The following ZDHHC11B variants were observed in gnomAD, a reference collection of about 807,000 sequenced individuals.
ZDHHC11B encodes the protein zDHHC palmitoyltransferase 11B (putative).
In ZDHHC11B, 17 loss-of-function variants were observed where a neutral mutation model predicts 42.3. The observed-to-expected ratio is 0.40, with a 90% CI of 0.27 to 0.60. ZDHHC11B has a LOEUF of 0.60. Ranked by LOEUF, ZDHHC11B falls within the 20% of genes least tolerant of loss-of-function variation. The pLI is 0.41. For synonymous variants in ZDHHC11B, 123 were observed against 193.5 expected, an observed-to-expected ratio of 0.64 and a Z score of 3.02; for missense variants, 262 against 463.2, an observed-to-expected ratio of 0.57 and a Z score of 3.99.
intron 7 of ZDHHC11B, 34 bp from the exon 8 acceptor site, chr5:748,593 A>C: frequency 7.4e-7 from 1 of 1,347,648 alleles, no homozygotes; most frequent in Non-Finnish European, 9.8e-7. Flanking sequence ...TGTGTCCAGC[A>C]CCTGCTGACG....
rs1231392398 is a variant in ZDHHC11B, at chr5:726,883, C to G, written c.1058+3551G>C. On this transcript the variant is annotated intron_variant, in intron 12 of 13. Transcript: ENST00000508859. ...ACAATTAATTTTCTATCATTCTTGC[C>G]AGAAATGGATAAAGGAGAAAATGTC... is the stretch of plus-strand genomic sequence containing the variant. 2.8e-3 allele frequency among the ~76,000 whole-genome samples: 322 copies of G among 116,734 alleles called. 5 individuals are homozygous for G. Among genetic ancestry groups the G allele is most frequent in the African/African-American group, 0.011 (309 of 27,398 alleles). 76.6% of individuals were successfully genotyped at this position (116,734 alleles called of 152,430 possible). A position where few individuals can be genotyped will look rare whatever the true frequency, so the allele number is the denominator to read the frequency against.
At chr5:780,525 A>G (rs1736883859) in intron 1 of ZDHHC11B, among the ~76,000 whole-genome samples, 1 of 148,110 alleles carries the variant, frequency 6.8e-6, no homozygotes, top group Non-Finnish European at 1.5e-5. Flanking sequence ...TAAAGGTTAA[A>G]AACAGGCAAA....
At chr5:750,245 G>A (rs1325230174) in intron 7 of ZDHHC11B, among the ~76,000 whole-genome samples, 1 of 128,914 alleles carries the variant, frequency 7.8e-6, no homozygotes, top group East Asian at 2.6e-4. Context: ...GGTGGGGGCA[G>A]CTTCTCCAGC....
intron 12 of ZDHHC11B, among the ~76,000 whole-genome samples, chr5:729,751 A>G (rs1275314307): frequency 2.6e-5 from 4 of 151,904 alleles, no homozygotes; most frequent in Admixed American, 6.6e-5. Flanking sequence ...AAGTTAATAT[A>G]TGTTCATTTT....
intron 1 of ZDHHC11B, among the ~76,000 whole-genome samples, chr5:776,756 C>G (rs545216692): frequency 2.0e-5 from 3 of 151,952 alleles, no homozygotes; most frequent in African/African-American, 2.4e-5. Flanking sequence ...GCCCTCCTGC[C>G]GAGGAGGTGC....
At position 766,891 on chromosome 5, in the gene ZDHHC11B, G is replaced by A. The variant is rs756278131; in HGVS notation, c.29C>T (p.Ser10Phe). 6.8e-6 allele frequency: 11 copies of A among 1,612,470 alleles called. No individual in the cohort carries two copies. The highest frequency in any genetic ancestry group is 2.7e-5 in the African/African-American group (2 of 74,854). ...GTTGCGTATGGCTTCTGGGGTGACG[G>A]AACACTGGCTCCCGGAGCGGGTGTC... MDTRSGSQC[S>F]VTPEAIRNNE... Residue 10 changes from serine to phenylalanine, a missense_variant, in exon 4 of 14, where the codon TCC (serine) becomes TTC (phenylalanine). By Grantham distance (155) the Ser-to-Phe change is radical (BLOSUM62 -2). Around this residue, in one of 5 missense-constraint regions of ZDHHC11B, gnomAD observed 97 missense variants for 98.1 expected, o/e 0.99. Transcript: ENST00000508859.
chr5:748,638 T>A (rs3817060), intron 7 of ZDHHC11B, 79 bp from the exon 8 acceptor site: 1 of 1,246,698 alleles, frequency 8.0e-7, no homozygotes, highest in Non-Finnish European at 1.1e-6. Flanking sequence ...AGACCAGAGC[T>A]TGCTGGGGAT....
intron 1 of ZDHHC11B, among the ~76,000 whole-genome samples, chr5:779,077 A>C (rs1343655225): frequency 6.6e-6 from 1 of 151,308 alleles, no homozygotes; most frequent in Admixed American, 6.6e-5. Flanking sequence ...AAGTGAACAT[A>C]TCATTTCATA....
intron 12 of ZDHHC11B, among the ~76,000 whole-genome samples, chr5:719,758 A>G (rs558924891): frequency 6.6e-6 from 1 of 151,900 alleles, no homozygotes; most frequent in Non-Finnish European, 1.5e-5. Flanking sequence ...GAAAAAATAC[A>G]GTGTTCCCCC....
chr5:736,274 A>G (rs1449876319), intron 10 of ZDHHC11B, among the ~76,000 whole-genome samples: 1 of 149,904 alleles, frequency 6.7e-6, no homozygotes, highest in East Asian at 2.0e-4. Context: ...AAATATCACA[A>G]TCCTAACTAT....
At chr5:762,823 A>G (rs1734798217) in intron 4 of ZDHHC11B, among the ~76,000 whole-genome samples, 1 of 151,752 alleles carries the variant, frequency 6.6e-6, no homozygotes, top group South Asian at 2.1e-4. Flanking sequence ...TTTTTTTTTA[A>G]TAGAATAAAA....
intron 13 of ZDHHC11B, among the ~76,000 whole-genome samples, chr5:714,385 AG>A (rs1741592716): frequency 6.9e-6 from 1 of 144,530 alleles, no homozygotes; most frequent in African/African-American, 2.7e-5. Flanking sequence ...GGCACTTTGG[AG>A]GGGTAAGGTG....
At chr5:774,546 TGAGCCTG>T (rs1349173689) in intron 1 of ZDHHC11B, among the ~76,000 whole-genome samples, 17 of 152,182 alleles carry the variant, frequency 1.1e-4, no homozygotes, top group African/African-American at 3.9e-4. Context: ...GTCTGCCCCT[TGAGCCTG>T]GAGCCTGTAA....
At chr5:749,372 A>G (rs1357010811) in intron 7 of ZDHHC11B, among the ~76,000 whole-genome samples, 3 of 129,626 alleles carry the variant, frequency 2.3e-5, no homozygotes, top group African/African-American at 7.5e-5. Flanking sequence ...GCAGAATGGC[A>G]GAGGGTCGGG....
At chr5:720,040 ATACT>A (rs1306112631) in intron 12 of ZDHHC11B, among the ~76,000 whole-genome samples, 3 of 151,788 alleles carry the variant, frequency 2.0e-5, no homozygotes, top group Non-Finnish European at 4.4e-5. Context: ...ACAGTTTCAG[ATACT>A]TACTGAGAGT....
chr5:774,255 A>G (rs1736282992), intron 1 of ZDHHC11B, among the ~76,000 whole-genome samples: 1 of 152,124 alleles, frequency 6.6e-6, no homozygotes, highest in South Asian at 2.1e-4. Context: ...CCAAACTTAC[A>G]GAAAACCTGC....
chr5:725,160 C>T (rs1344342202), intron 12 of ZDHHC11B, among the ~76,000 whole-genome samples: 9 of 150,628 alleles, frequency 6.0e-5, no homozygotes, highest in Non-Finnish European at 1.0e-4. Flanking sequence ...TGAGTGAGAT[C>T]TCACTCTCAA....
chr5:757,454 C>T (rs766097017), intron 4 of ZDHHC11B, among the ~76,000 whole-genome samples: 8 of 151,906 alleles, frequency 5.3e-5, no homozygotes, highest in Admixed American at 3.3e-4. Flanking sequence ...CCTCAGGCAA[C>T]GTTGGGACAG....
At chr5:720,205 T>G (rs779461082) in intron 12 of ZDHHC11B, among the ~76,000 whole-genome samples, 2 of 151,790 alleles carry the variant, frequency 1.3e-5, no homozygotes, top group African/African-American at 2.4e-5. Flanking sequence ...TGCCAAAAGA[T>G]CTACGCTAAG....
Sources: allele counts gnomAD v4.1 joint callset (sites outside exome capture counted in the v4.1 genomes callset), GRCh38; gene constraint gnomAD v4.1.1; regional missense constraint gnomAD v4.1.1; transcripts MANE v1.5; gene names NCBI Gene and HGNC (gene_info 2026-07-23, HGNC 2026-07-21).